Variants in ANK2 observed in about 807,000 individuals in gnomAD.
ANK2 encodes ankyrin 2.
A neutral mutation model predicts 360.5 loss-of-function variants in ANK2; 83 were observed. That is an observed-to-expected ratio of 0.23 (90% CI 0.19 to 0.28). The LOEUF (loss-of-function observed/expected upper bound fraction) is 0.28, where lower values mean the gene tolerates loss of function less well. Ranked by LOEUF, ANK2 falls within the 10% of genes least tolerant of loss-of-function variation. ANK2 has a pLI of 1.00. For synonymous variants in ANK2, 1,740 were observed against 1,759.5 expected, an observed-to-expected ratio of 0.99 and a Z score of 0.28; for missense variants, 4,201 against 4,795.7, an observed-to-expected ratio of 0.88 and a Z score of 3.66.
chr4:112,971,795 C>T (rs891923211), intron 2 of ANK2, among the ~76,000 whole-genome samples: 8 of 152,092 alleles, frequency 5.3e-5, no homozygotes, highest in African/African-American at 9.7e-5. Flanking sequence ...CTGGCAGGTG[C>T]AGTAACAGAT....
intron 1 of ANK2, 25 bp downstream of exon 1, chr4:113,049,837 CTG>C: frequency 6.2e-7 from 1 of 1,612,094 alleles, no homozygotes; most frequent in Non-Finnish European, 8.5e-7. Context: ...TTAGGAATGT[CTG>C]TGTATAAATA....
At chr4:112,752,970 C>G in the ANK2 span, among the ~76,000 whole-genome samples, 1 of 152,124 alleles carries the variant, frequency 6.6e-6, no homozygotes, top group Non-Finnish European at 1.5e-5. Flanking sequence ...TGGCCTCCCA[C>G]TCTTCTAAGC....
At chr4:112,745,022 A>T in the ANK2 span, among the ~76,000 whole-genome samples, 3 of 152,142 alleles carry the variant, frequency 2.0e-5, no homozygotes, top group South Asian at 4.1e-4. Context: ...TCTATATGTC[A>T]TATGTGATCA....
rs777408433 is a variant in ANK2 at position 113,369,778 on chromosome 4, A to T, written c.11583A>T (p.Arg3861Ser). 6.2e-7 allele frequency: 1 copy of T among 1,613,998 alleles called. No individual in the cohort carries two copies. The highest frequency in any genetic ancestry group is 8.5e-7 in the Non-Finnish European group (1 of 1,179,978). ...SADNQPETCE[R>S]LDEDAAFEKG... ...ATAACCAGCCTGAGACCTGTGAAAG[A>T]CTCGATGAAGATGCAGCTTTTGAAA... The change falls in exon 43 of 46, where the codon AGA (arginine) becomes AGT (serine). Residue 3861 changes from arginine to serine, a missense_variant. Physicochemically the swap from Arg to Ser is moderately radical, Grantham distance 110 (BLOSUM62 -1). Transcript: ENST00000357077.
At chr4:112,861,727 T>C (rs1032669711) in intron 1 of ANK2, among the ~76,000 whole-genome samples, 3 of 152,200 alleles carry the variant, frequency 2.0e-5, no homozygotes, top group Non-Finnish European at 4.4e-5. Flanking sequence ...GGTGTAATGT[T>C]TTAAAATGTG....
At chr4:113,164,322 C>A (rs1321233735) in intron 1 of ANK2, among the ~76,000 whole-genome samples, 2 of 152,168 alleles carry the variant, frequency 1.3e-5, no homozygotes, top group Non-Finnish European at 2.9e-5. Context: ...CATGGGGCCA[C>A]ACTAAGATCA....
intron 2 of ANK2, among the ~76,000 whole-genome samples, chr4:113,012,670 T>C (rs964845818): frequency 6.6e-6 from 1 of 152,196 alleles, no homozygotes; most frequent in Admixed American, 6.5e-5. Context: ...ATATGCAATT[T>C]GAGAAGTGTG....
At chr4:112,869,535 G>T (rs946551156) in intron 1 of ANK2, among the ~76,000 whole-genome samples, 24 of 152,202 alleles carry the variant, frequency 1.6e-4, no homozygotes, top group Admixed American at 9.8e-4. Flanking sequence ...CACCTGCCTT[G>T]GTCTCCCAAA....
chr4:112,957,503 A>T (rs908934887), intron 2 of ANK2, among the ~76,000 whole-genome samples: 1 of 152,074 alleles, frequency 6.6e-6, no homozygotes. Flanking sequence ...CATTGTCATC[A>T]TGGCCCGTTC....
chr4:112,962,460 T>G (rs1195953709), intron 2 of ANK2, among the ~76,000 whole-genome samples: 1 of 152,176 alleles, frequency 6.6e-6, no homozygotes, highest in South Asian at 2.1e-4. Context: ...GCCACCTAGG[T>G]TGACTCCATA....
intron 1 of ANK2, among the ~76,000 whole-genome samples, chr4:112,842,951 T>C (rs2062464467): frequency 1.3e-5 from 2 of 152,234 alleles, no homozygotes; most frequent in Admixed American, 6.5e-5. Flanking sequence ...GAATCTGTTT[T>C]CTTTCCTTTT....
chr4:112,785,390 T>C, the ANK2 span, among the ~76,000 whole-genome samples: 11 of 151,810 alleles, frequency 7.2e-5, no homozygotes, highest in East Asian at 1.9e-4. Flanking sequence ...TCCTTTTTTT[T>C]TGAGACGGAG....
At chr4:112,802,463 C>T in the ANK2 span, among the ~76,000 whole-genome samples, 1 of 152,082 alleles carries the variant, frequency 6.6e-6, no homozygotes, top group South Asian at 2.1e-4. Flanking sequence ...CCATTCATTT[C>T]AATATATGTA....
intron 1 of ANK2, among the ~76,000 whole-genome samples, chr4:113,131,253 TC>T (rs1214377854): frequency 1.3e-5 from 2 of 152,140 alleles, no homozygotes; most frequent in East Asian, 3.9e-4. Context: ...TGTTTTCCTT[TC>T]CCCTTCATCT....
intron 10 of ANK2, among the ~76,000 whole-genome samples, chr4:113,253,358 A>G (rs990704289): frequency 1.3e-5 from 2 of 152,072 alleles, no homozygotes; most frequent in African/African-American, 4.8e-5. Flanking sequence ...TTACTATGAA[A>G]TCTCATGCAG....
intron 17 of ANK2, among the ~76,000 whole-genome samples, chr4:113,281,307 G>A (rs1481011344): frequency 6.6e-6 from 1 of 152,134 alleles, no homozygotes; most frequent in African/African-American, 2.4e-5. Context: ...GGGGGCCAAG[G>A]TGGGCAGATC....
intron 1 of ANK2, among the ~76,000 whole-genome samples, chr4:112,856,669 A>G (rs2066486610): frequency 6.6e-6 from 1 of 152,250 alleles, no homozygotes; most frequent in African/African-American, 2.4e-5. Flanking sequence ...CAGAGGTTGC[A>G]GTGAGCCAAG....
In ANK2 at chr4:113,358,910, G is replaced by A; in HGVS notation, c.10292G>A (p.Gly3431Glu). ...AEELELESEE[G>E]ATRPKILTSR... ...GAACTTGAGTTAGAATCAGAAGAAG[G>A]GGCCACAAGACCAAAGATACTTACA... Residue 3431 changes from glycine to glutamate, a missense_variant, in exon 38 of 46, where the codon GGG becomes GAG. Physicochemically the swap from Gly to Glu is moderately conservative, Grantham distance 98. Transcript: ENST00000357077. The A allele has an allele frequency of 1.2e-6, 2 of 1,613,822 alleles. No individual in the cohort carries two copies. Among genetic ancestry groups the A allele is most frequent in the East Asian group, 2.2e-5 (1 of 44,862 alleles).
the ANK2 span, among the ~76,000 whole-genome samples, chr4:112,810,131 A>G: frequency 0.03 from 1,153 of 37,898 alleles, 37 homozygotes; most frequent in African/African-American, 0.11. Context: ...TTGTGTATAT[A>G]TATATATATA....
Sources: allele counts gnomAD v4.1 joint callset (sites outside exome capture counted in the v4.1 genomes callset), GRCh38; gene constraint gnomAD v4.1.1; transcripts MANE v1.5; gene names NCBI Gene and HGNC (gene_info 2026-07-23, HGNC 2026-07-21).